MYO3B: variants seen among roughly 807,000 people sequenced by gnomAD.
MYO3B encodes the protein myosin-IIIb.
Under a neutral mutation model 174.6 loss-of-function variants are expected in MYO3B, and 156 were observed. That is an observed-to-expected ratio of 0.89 (90% CI 0.78 to 1.02). The LOEUF is 1.02. Among genes scored for constraint, MYO3B ranks in the 50% least tolerant of loss-of-function variants. The pLI is 0.00. For synonymous variants in MYO3B, 563 were observed against 569.1 expected (o/e 0.99, Z 0.15); for missense variants, 1,632 against 1,639.4 (o/e 1.00, Z 0.08).
At chr2:170,293,559 G>A (rs554972448) in intron 7 of MYO3B, among the ~76,000 whole-genome samples, 36 of 152,126 alleles carry the variant, frequency 2.4e-4, no homozygotes, top group Non-Finnish European at 3.7e-4. Context: ...TGCAATCTCC[G>A]TGGTACTGTC....
chr2:170,374,389 A>T (rs1398217498), intron 9 of MYO3B, among the ~76,000 whole-genome samples: 2 of 152,168 alleles, frequency 1.3e-5, no homozygotes, highest in Non-Finnish European at 2.9e-5. Flanking sequence ...ATGATGAGAA[A>T]AGGGATTGTA....
At position 170,536,919 on chromosome 2, in the gene MYO3B, C is replaced by T. The variant is rs1343158353; in HGVS notation, c.3576-5987C>T. 2.0e-5 allele frequency among the ~76,000 whole-genome samples: 3 copies of T among 151,978 alleles called. No individual in the cohort carries two copies. The South Asian group carries it at 6.2e-4, about 32-fold the overall frequency. On this transcript the variant is annotated intron_variant, in intron 30 of 34. Transcript: ENST00000408978. The stretch of plus-strand genomic sequence containing the variant: ...CTACTATTTAAAAGTATGCTGGTCT[C>T]GGCTGGGCGTGGTGGCTCACGCCTG...
At chr2:170,509,937 C>T (rs558565591) in intron 28 of MYO3B, among the ~76,000 whole-genome samples, 26 of 152,222 alleles carry the variant, frequency 1.7e-4, no homozygotes, top group Non-Finnish European at 3.1e-4. Flanking sequence ...GCCGTTTGGC[C>T]GGGAGTTCAA....
chr2:170,348,768 C>T (rs1010416871), intron 8 of MYO3B: 6 of 152,154 alleles, frequency 3.9e-5, no homozygotes, highest in Non-Finnish European at 7.3e-5. Context: ...GAGGCCAAAG[C>T]GCCCACAGGC....
intron 16 of MYO3B, among the ~76,000 whole-genome samples, chr2:170,394,125 T>C (rs1260409873): frequency 6.6e-6 from 1 of 152,146 alleles, no homozygotes; most frequent in Non-Finnish European, 1.5e-5. Context: ...TGAGTACAAA[T>C]ATAGTTATAG....
intron 9 of MYO3B, among the ~76,000 whole-genome samples, chr2:170,376,521 C>G (rs946778576): frequency 6.6e-6 from 1 of 152,086 alleles, no homozygotes; most frequent in Non-Finnish European, 1.5e-5. Flanking sequence ...CCTGAGTTCT[C>G]TCTATGGCCA....
chr2:170,369,221 GGT>G lies in MYO3B; in HGVS notation c.818_819del (p.Cys273SerfsTer3). On this transcript the variant is annotated frameshift_variant and splice_region_variant, in exon 9 of 35. Coordinates refer to ENST00000408978, the MANE Select transcript of MYO3B (RefSeq NM_138995.5). LOFTEE classifies it high-confidence loss of function. Reference sequence around the variant, plus strand: ...GATTGTTTGTTGGTTTTTGCAAACAGGTGTCTTATTAAGGATTTTGAAAGGCG... The same window carrying G: ...GATTGTTTGTTGGTTTTTGCAAACAGGTCTTATTAAGGATTTTGAAAGGCG... 1 of 1,611,804 alleles carries G rather than the reference GGT, an allele frequency of 6.2e-7. No homozygotes were observed. Among genetic ancestry groups the G allele is most frequent in the Middle Eastern group, 1.7e-4 (1 of 6,050 alleles).
intron 32 of MYO3B, among the ~76,000 whole-genome samples, chr2:170,603,118 C>T (rs1334391966): frequency 1.3e-5 from 2 of 151,970 alleles, no homozygotes; most frequent in Non-Finnish European, 2.9e-5. Context: ...CCTTCATAAA[C>T]TTTATTTTCC....
At chr2:170,575,127 C>T (rs1692708231) in intron 32 of MYO3B, among the ~76,000 whole-genome samples, 1 of 151,914 alleles carries the variant, frequency 6.6e-6, no homozygotes, top group African/African-American at 2.4e-5. Flanking sequence ...ACCAAGTGTC[C>T]AACAAAAGAA....
chr2:170,545,216 C>T (rs938031931), intron 32 of MYO3B, among the ~76,000 whole-genome samples: 1 of 152,150 alleles, frequency 6.6e-6, no homozygotes, highest in Non-Finnish European at 1.5e-5. Flanking sequence ...ACCATACTGA[C>T]AGGTTCTGGC....
chr2:170,425,664 CA>C (rs917170144), intron 22 of MYO3B, among the ~76,000 whole-genome samples: 3 of 151,608 alleles, frequency 2.0e-5, no homozygotes, highest in Non-Finnish European at 4.4e-5. Flanking sequence ...TGTAAACAGC[CA>C]AAAAAAATCC....
intron 7 of MYO3B, among the ~76,000 whole-genome samples, chr2:170,246,778 A>G (rs2093195088): frequency 6.6e-6 from 1 of 152,100 alleles, no homozygotes; most frequent in Non-Finnish European, 1.5e-5. Context: ...AAACTAGTAC[A>G]GTGACTATCT....
chr2:170,527,638 G>A (rs566791184), intron 30 of MYO3B, among the ~76,000 whole-genome samples: 2 of 152,306 alleles, frequency 1.3e-5, no homozygotes, highest in South Asian at 4.1e-4. Context: ...TAGAGGAAAC[G>A]ATTCAGCTAC....
chr2:170,604,978 C>G (rs1463231817), intron 32 of MYO3B, among the ~76,000 whole-genome samples: 1 of 152,114 alleles, frequency 6.6e-6, no homozygotes, highest in Non-Finnish European at 1.5e-5. Context: ...CACCCTTCTT[C>G]TCTTATCCCC....
intron 22 of MYO3B, among the ~76,000 whole-genome samples, chr2:170,426,475 A>G (rs1346484387): frequency 6.6e-6 from 1 of 151,386 alleles, no homozygotes; most frequent in Non-Finnish European, 1.5e-5. Context: ...AGCTGGGACT[A>G]CAGGCACCCA....
chr2:170,633,585 A>G (rs1172201678), intron 32 of MYO3B, among the ~76,000 whole-genome samples: 2 of 152,004 alleles, frequency 1.3e-5, no homozygotes, highest in Non-Finnish European at 2.9e-5. Context: ...CTCTCTCACC[A>G]CTCCTATCCA....
At chr2:170,279,935 A>G (rs931062462) in intron 7 of MYO3B, among the ~76,000 whole-genome samples, 1 of 152,186 alleles carries the variant, frequency 6.6e-6, no homozygotes, top group African/African-American at 2.4e-5. Context: ...ATTTGTGTGC[A>G]TATGTCTTTA....
rs566439413 is a variant in MYO3B, at chr2:170,456,876, C to T, written c.2731-6492C>T. On this transcript the variant is annotated intron_variant, in intron 23 of 34. Transcript: ENST00000408978. ...GACTCTGTCATTGGGTGATTTTTGTCGTCGTTCATTCATAGAGTGTGCTTA... is the reference window on the plus strand; with the variant it reads ...GACTCTGTCATTGGGTGATTTTTGTTGTCGTTCATTCATAGAGTGTGCTTA... 3.9e-5 allele frequency among the ~76,000 whole-genome samples: 6 copies of T among 152,154 alleles called. No individual in the cohort carries two copies. In the South Asian group the frequency reaches 1.0e-3, roughly 26 times the overall value.
intron 7 of MYO3B, among the ~76,000 whole-genome samples, chr2:170,285,688 G>T (rs561683570): frequency 6.6e-6 from 1 of 151,826 alleles, no homozygotes; most frequent in Non-Finnish European, 1.5e-5. Flanking sequence ...TGACTTTATG[G>T]TATTTATTAT....
Sources: allele counts gnomAD v4.1 joint callset (sites outside exome capture counted in the v4.1 genomes callset), GRCh38; gene constraint gnomAD v4.1.1; transcripts MANE v1.5; gene names NCBI Gene and HGNC (gene_info 2026-07-23, HGNC 2026-07-21).